Variants in NECAB2 observed in about 807,000 individuals in gnomAD.
NECAB2 encodes the protein N-terminal EF-hand calcium-binding protein 2.
A neutral mutation model predicts 51.9 loss-of-function variants in NECAB2; 68 were observed. The observed-to-expected ratio is 1.31, with a 90% confidence interval of 1.08 to 1.60. The LOEUF (loss-of-function observed/expected upper bound fraction) is 1.60. Ranked by LOEUF, NECAB2 falls within the 40% of genes most tolerant of loss-of-function variation. The pLI is 0.00. For synonymous variants in NECAB2, 329 were observed against 203.5 expected (o/e 1.62, Z -5.25); for missense variants, 854 against 490.3 (o/e 1.74, Z -7.00).
rs911292251 is a variant in NECAB2, at chr16:83,968,429, C to G, written c.-220C>G. Among the ~76,000 whole-genome samples, 1 of 148,082 alleles carries G rather than the reference C, an allele frequency of 6.8e-6. No individual in the cohort carries two copies. Among genetic ancestry groups the G allele is most frequent in the Non-Finnish European group, 1.5e-5 (1 of 66,688 alleles). On this transcript the variant is annotated 5_prime_UTR_variant, in exon 1 of 13. Transcript: ENST00000305202. ...GCGGGCAGTCCTCAGGCCCCGCGCCCGGCCGGCGGGGGTGGGGGCGGCGGG... is the reference window on the plus strand; with the variant it reads ...GCGGGCAGTCCTCAGGCCCCGCGCCGGGCCGGCGGGGGTGGGGGCGGCGGG...
In NECAB2 at chr16:84,001,932, C is replaced by G. The variant is rs76627174; in HGVS notation, c.1132+16C>G. 1.9e-3 allele frequency: 3,080 copies of G among 1,612,522 alleles called. 4 individuals carry two copies. The highest frequency in any genetic ancestry group is 2.4e-3 in the Non-Finnish European group (2,774 of 1,178,974). On this transcript the variant is annotated intron_variant, in intron 12 of 12. Coordinates refer to ENST00000305202, the MANE Select transcript of NECAB2 (RefSeq NM_019065.3). The stretch of plus-strand genomic sequence containing the variant: ...TTGGTGCCAGGTAGGGGGCAAAGGC[C>G]TGGAACTGCAGTGGCCACCTGACTG...
chr16:84,001,520 G>A (rs938291910), intron 11 of NECAB2, among the ~76,000 whole-genome samples: 4 of 152,134 alleles, frequency 2.6e-5, no homozygotes, highest in African/African-American at 9.7e-5. Context: ...GTTGTCATGG[G>A]TCCCAGGCAG....
intron 5 of NECAB2, among the ~76,000 whole-genome samples, chr16:83,984,688 C>T (rs2084530377): frequency 6.6e-6 from 1 of 152,072 alleles, no homozygotes; most frequent in African/African-American, 2.4e-5. Flanking sequence ...GCACAGCATG[C>T]CGCTGCAACC....
chr16:83,972,871 G>C (rs1262810150), intron 2 of NECAB2, among the ~76,000 whole-genome samples: 2 of 152,208 alleles, frequency 1.3e-5, no homozygotes, highest in Non-Finnish European at 1.5e-5. Context: ...AGGCGGCCCA[G>C]CTGAGCCTCG....
At chr16:83,978,773 C>G (rs757605630) in intron 3 of NECAB2, among the ~76,000 whole-genome samples, 2 of 152,072 alleles carry the variant, frequency 1.3e-5, no homozygotes, top group African/African-American at 4.8e-5. Context: ...TCTGAGTGCA[C>G]ATGGCCAACT....
At chr16:83,991,053 C>G (rs1486577764) in intron 6 of NECAB2, among the ~76,000 whole-genome samples, 2 of 152,112 alleles carry the variant, frequency 1.3e-5, no homozygotes, top group African/African-American at 4.8e-5. Flanking sequence ...GTGATTTTGG[C>G]TCACTACAAC....
chr16:83,965,849 C>G, upstream of NECAB2: 1 of 1,613,004 alleles, frequency 6.2e-7, no homozygotes, highest in Non-Finnish European at 8.5e-7. Context: ...CAAGAGGAAC[C>G]CCATTGACGT....
intron 2 of NECAB2, among the ~76,000 whole-genome samples, chr16:83,974,687 G>A (rs2084385602): frequency 6.6e-6 from 1 of 152,182 alleles, no homozygotes; most frequent in African/African-American, 2.4e-5. Context: ...GGGGGGCAGC[G>A]GTGCAGGCAG....
intron 2 of NECAB2, among the ~76,000 whole-genome samples, chr16:83,972,660 C>T (rs1275874359): frequency 6.6e-6 from 1 of 152,202 alleles, no homozygotes; most frequent in Non-Finnish European, 1.5e-5. Context: ...AAGCAATTTG[C>T]CCCAGGGTTG....
At chr16:84,000,640 G>A (rs2084810999) in intron 10 of NECAB2, 84 bp from the exon 11 acceptor site, 7 of 1,109,996 alleles carry the variant, frequency 6.3e-6, no homozygotes, top group South Asian at 1.3e-5. Context: ...TATAGTGGTG[G>A]GTCTCAGGCC....
rs756561325 is a variant in NECAB2, at chr16:84,000,808, T to G, written c.1040+7T>G. ...CAGAGGAGGCGTGGAAGAGGTGAGA[T>G]GCTGGGTCCCCACAGCAGGTGAGGG... On this transcript the variant is annotated splice_region_variant and intron_variant, in intron 11 of 12. Coordinates refer to ENST00000305202, the MANE Select transcript of NECAB2 (RefSeq NM_019065.3). 1.9e-6 allele frequency: 3 copies of G among 1,613,196 alleles called. No homozygotes were observed. The highest frequency in any genetic ancestry group is 1.1e-5 in the South Asian group (1 of 91,056).
upstream of NECAB2, chr16:83,966,030 C>G: frequency 6.7e-7 from 1 of 1,485,070 alleles, no homozygotes; most frequent in Non-Finnish European, 9.0e-7. Flanking sequence ...CCCGCTGGCT[C>G]CCAGGCCCTG....
rs558161388 is a variant in NECAB2, at chr16:84,000,906, G to T, written c.1040+105G>T. 9 of 1,144,656 alleles carry T rather than the reference G, an allele frequency of 7.9e-6. No homozygotes were observed. In the Admixed American group the frequency reaches 1.7e-4, roughly 22 times the overall value. 70.9% of individuals were successfully genotyped at this position (1,144,656 alleles called of 1,614,324 possible). A position where few individuals can be genotyped will look rare whatever the true frequency, so the allele number is the denominator to read the frequency against. On this transcript the variant is annotated intron_variant, in intron 11 of 12. Transcript: ENST00000305202. The stretch of plus-strand genomic sequence containing the variant: ...GGAGGGGAGGGTAAGGCCGAGTCCA[G>T]TCAGCAGATTCCCGAGGCATCTACC...
At chr16:83,973,095 G>A (rs143669030) in intron 2 of NECAB2, among the ~76,000 whole-genome samples, 157 of 152,300 alleles carry the variant, frequency 1.0e-3, no homozygotes, top group Middle Eastern at 3.4e-3. Context: ...AGAGAATCGC[G>A]TGCTCCCGGT....
At chr16:83,997,514 G>C (rs143477848) in intron 9 of NECAB2, among the ~76,000 whole-genome samples, 2,470 of 117,604 alleles carry the variant, frequency 0.021, 24 homozygotes, top group African/African-American at 0.024. Flanking sequence ...TTGAGATGGA[G>C]TCTTGCTGTA....
intron 2 of NECAB2, among the ~76,000 whole-genome samples, chr16:83,974,410 C>A (rs889634): frequency 0.28 from 42,927 of 152,118 alleles, 11,534 homozygotes; most frequent in African/African-American, 0.71. Context: ...AATAAGTCCC[C>A]GCTGCTCTGC....
At chr16:84,000,700 C>T (rs750390584) in intron 10 of NECAB2, 24 bp from the exon 11 acceptor site, 30 of 1,610,006 alleles carry the variant, frequency 1.9e-5, no homozygotes, top group Non-Finnish European at 2.5e-5. Context: ...CCAGCCTCCT[C>T]CCCCCGACCA....
chr16:83,991,438 C>G (rs887807870), intron 6 of NECAB2, among the ~76,000 whole-genome samples: 2 of 145,166 alleles, frequency 1.4e-5, no homozygotes, highest in Admixed American at 1.4e-4. Context: ...GAGATCTCAG[C>G]TCACTGCAAC....
intron 2 of NECAB2, among the ~76,000 whole-genome samples, chr16:83,973,156 G>T (rs891162646): frequency 6.6e-6 from 1 of 152,246 alleles, no homozygotes; most frequent in Admixed American, 6.5e-5. Flanking sequence ...TGTGGCAGGG[G>T]AAGAGCACGC....
Sources: gnomAD v4.1 joint callset for allele counts (sites outside exome capture counted in the v4.1 genomes callset) on GRCh38, gnomAD v4.1.1 for gene constraint, MANE v1.5 for transcripts, NCBI Gene and HGNC (gene_info 2026-07-23, HGNC 2026-07-21) for gene names.